The following MOB4 variants were observed in gnomAD, a reference collection of about 807,000 sequenced individuals.
The protein encoded by MOB4 is MOB family member 4, phocein.
In MOB4, 4 loss-of-function variants were observed where a neutral mutation model predicts 32.2. That is an observed-to-expected ratio of 0.12 (90% confidence interval 0.06 to 0.28). The LOEUF (loss-of-function observed/expected upper bound fraction) is 0.28. Among genes scored for constraint, MOB4 ranks in the 10% least tolerant of loss-of-function variants. The pLI is 1.00. For synonymous variants in MOB4, 88 were observed against 88.1 expected (o/e 1.00, Z 0.01); for missense variants, 158 against 271.2 (o/e 0.58, Z 2.93).
chr2:197,524,241 A>G (rs557666040), intron 2 of MOB4, among the ~76,000 whole-genome samples: 1 of 152,258 alleles, frequency 6.6e-6, no homozygotes, highest in East Asian at 1.9e-4. Flanking sequence ...ATCTTAAAAA[A>G]ATAAAAATAG....
At position 197,520,580 on chromosome 2, in the gene MOB4, G is replaced by C. The variant is rs112977258; in HGVS notation, c.61-3044G>C. On this transcript the variant is annotated intron_variant, in intron 1 of 7. Coordinates refer to ENST00000323303, the MANE Select transcript of MOB4 (RefSeq NM_015387.5). ...TTTACTCTTACCTCCTCCCCACCAA[G>C]TTTTACCTCAGAGACATTTGAGCTT... 2.6e-4 allele frequency among the ~76,000 whole-genome samples: 40 copies of C among 152,176 alleles called. 2 individuals are homozygous for C. Among genetic ancestry groups the C allele is most frequent in the African/African-American group, 9.4e-4 (39 of 41,528 alleles).
chr2:197,534,059 G>A (rs1306148500), intron 2 of MOB4: 1 of 426,222 alleles, frequency 2.3e-6, no homozygotes, highest in African/African-American at 2.0e-5. Flanking sequence ...CCATCATCTG[G>A]ACAGTTGTAC....
upstream of MOB4, chr2:197,516,065 C>T: frequency 1.3e-6 from 2 of 1,573,782 alleles, no homozygotes; most frequent in African/African-American, 1.4e-5. Flanking sequence ...GTACCGACTC[C>T]AGCCGCCTAG....
chr2:197,522,274 C>G (rs1404921069), intron 1 of MOB4, among the ~76,000 whole-genome samples: 2 of 145,592 alleles, frequency 1.4e-5, no homozygotes. Flanking sequence ...CTAGCAAATA[C>G]TAGGTCTTAT....
At chr2:197,534,070 A>G (rs1012984049) in intron 2 of MOB4, 12 of 381,310 alleles carry the variant, frequency 3.1e-5, no homozygotes, top group Admixed American at 2.9e-4. Flanking sequence ...ACAGTTGTAC[A>G]TGCTGTATTG....
chr2:197,539,485 A>C (rs1013800299), intron 3 of MOB4, among the ~76,000 whole-genome samples: 2 of 151,900 alleles, frequency 1.3e-5, no homozygotes, highest in African/African-American at 4.8e-5. Context: ...TGCCCGGCTA[A>C]TTTTTGTATT....
Position 197,535,543 on chromosome 2 carries a change from A to G in MOB4, c.137A>G (p.Asn46Ser), listed in dbSNP as rs1322986022. 2.5e-6 allele frequency: 4 copies of G among 1,608,228 alleles called. No individual in the cohort carries two copies. Among genetic ancestry groups the G allele is most frequent in the East Asian group, 2.2e-5 (1 of 44,764 alleles). ...CTTTGTTTTTAGTATATTCAACAGA[A>G]CATAAGAGCAGATTGCTCCAATATT... ...TLAVQQYIQQ[N>S]IRADCSNIDK... The change falls in exon 3 of 8, where the codon AAC (asparagine) becomes AGC (serine). Residue 46 changes from asparagine to serine, a missense_variant. By Grantham distance (46) the Asn-to-Ser change is conservative (BLOSUM62 1). Coordinates refer to ENST00000323303, the MANE Select transcript of MOB4 (RefSeq NM_015387.5).
chr2:197,542,118 C>G (rs960014576), intron 5 of MOB4, among the ~76,000 whole-genome samples: 1 of 152,100 alleles, frequency 6.6e-6, no homozygotes, highest in Admixed American at 6.5e-5. Context: ...ATGTATTATT[C>G]TTTCTTTAGA....
At chr2:197,541,695 G>A (rs2086897482) in intron 5 of MOB4, among the ~76,000 whole-genome samples, 1 of 152,082 alleles carries the variant, frequency 6.6e-6, no homozygotes, top group African/African-American at 2.4e-5. Context: ...CGAGGCGGGC[G>A]GATCACGAGG....
Position 197,553,627 on chromosome 2 carries a change from G to A in MOB4, c.*2981G>A, listed in dbSNP as rs2087132741. 6.6e-6 allele frequency: 1 copy of A among 152,120 alleles called. No homozygotes were observed. The highest frequency in any genetic ancestry group is 1.5e-5 in the Non-Finnish European group (1 of 68,018). The allele number at this position is 152,120 out of a possible 1,614,324, so 9.4% of individuals were successfully genotyped here. On this transcript the variant is annotated 3_prime_UTR_variant, in exon 8 of 8. Transcript: ENST00000323303. ...ATACTTTATTTTGTGAATCCTTGTT[G>A]AATGTGCTAAAGGTTTCTTTGTGTA...
rs749054013 is a variant in MOB4, at chr2:197,541,049, C to CGCTA, written c.354+613_354+616dup. ...CCAAGTGGCTGAGATTACAGGCATG[C>CGCTA]GCTATCATGCCGGGCTAATTTTTAT... is the stretch of plus-strand genomic sequence containing the variant. On this transcript the variant is annotated intron_variant, in intron 5 of 7. Transcript: ENST00000323303. Among the ~76,000 whole-genome samples, 6 of 151,864 alleles carry CGCTA rather than the reference C, an allele frequency of 4.0e-5. No individual in the cohort carries two copies. The East Asian group carries it at 9.7e-4, about 24-fold the overall frequency.
rs550483259 is a variant in MOB4, at chr2:197,551,711, G to A, written c.*1065G>A. 1.6e-4 allele frequency: 25 copies of A among 152,670 alleles called. No homozygotes were observed. Among genetic ancestry groups the A allele is most frequent in the Admixed American group, 4.6e-4 (7 of 15,290 alleles). The allele number at this position is 152,670 out of a possible 1,614,324, so 9.5% of individuals were successfully genotyped here. On this transcript the variant is annotated 3_prime_UTR_variant, in exon 8 of 8. Coordinates refer to ENST00000323303, the MANE Select transcript of MOB4 (RefSeq NM_015387.5). ...AAGTTTATGTTTGGATTACATGCAC[G>A]TGTGAGATTATTTGCAATAATTCAT...
intron 5 of MOB4, 100 bp from the exon 6 acceptor site, chr2:197,548,236 C>A: frequency 1.1e-6 from 1 of 939,990 alleles, no homozygotes; most frequent in Non-Finnish European, 1.5e-6. Flanking sequence ...TTTCTTAGAA[C>A]ATGCTCATGT....
chr2:197,533,322 C>A (rs1489717198), intron 2 of MOB4, among the ~76,000 whole-genome samples: 1 of 152,032 alleles, frequency 6.6e-6, no homozygotes, highest in African/African-American at 2.4e-5. Context: ...AGAAGGTATA[C>A]AATTTAGCTG....
At chr2:197,534,692 G>A (rs111811916) in intron 2 of MOB4, among the ~76,000 whole-genome samples, 64,195 of 151,864 alleles carry the variant, frequency 0.42, 14,100 homozygotes, top group South Asian at 0.56. Context: ...ACAGGTGTGT[G>A]CCACCACGCC....
chr2:197,550,421 T>A, intron 7 of MOB4, 35 bp downstream of exon 7: 1 of 1,607,766 alleles, frequency 6.2e-7, no homozygotes, highest in East Asian at 2.2e-5. Context: ...TGATGCATTC[T>A]TATCAGTGTA....
chr2:197,534,001 A>G (rs2086753618), intron 2 of MOB4: 1 of 502,570 alleles, frequency 2.0e-6, no homozygotes, highest in African/African-American at 2.0e-5. Context: ...CATACTTAAT[A>G]TTGCATCAAG....
intron 1 of MOB4, among the ~76,000 whole-genome samples, chr2:197,522,323 C>CTTTTTTTTTTT (rs57163165): frequency 3.0e-5 from 2 of 66,492 alleles, no homozygotes; most frequent in Non-Finnish European, 5.1e-5. Flanking sequence ...GGGTGATTAC[C>CTTTTTTTTTTT]TTTTTTTTTT....
intron 4 of MOB4, 71 bp from the exon 5 acceptor site, chr2:197,540,280 A>G: frequency 4.7e-6 from 7 of 1,475,540 alleles, no homozygotes; most frequent in Non-Finnish European, 5.4e-6. Flanking sequence ...TATTATGGAA[A>G]TATAGTAACC....
Sources: gnomAD v4.1 joint callset for allele counts (sites outside exome capture counted in the v4.1 genomes callset) on GRCh38, gnomAD v4.1.1 for gene constraint, MANE v1.5 for transcripts, NCBI Gene and HGNC (gene_info 2026-07-23, HGNC 2026-07-21) for gene names.